Variants in NSD1 observed in about 807,000 individuals in gnomAD.
NSD1 encodes nuclear receptor binding SET domain protein 1.
In NSD1, 26 loss-of-function variants were observed where a neutral mutation model predicts 242.7. That is an observed-to-expected ratio of 0.11 (90% CI 0.08 to 0.15). The LOEUF is 0.15. NSD1 is among the 10% of genes least tolerant of loss of function. The pLI is 1.00. For synonymous variants in NSD1, 1,106 were observed against 1,178.1 expected (o/e 0.94, Z 1.25); for missense variants, 2,495 against 3,272.8 (o/e 0.76, Z 5.80).
chr5:177,259,212 G>A (rs182965239), intron 13 of NSD1, among the ~76,000 whole-genome samples: 2 of 152,328 alleles, frequency 1.3e-5, no homozygotes, highest in East Asian at 3.9e-4. Flanking sequence ...GGATTGAGGA[G>A]GTAAAATTTA....
rs1554173303 is a variant in NSD1, at chr5:177,159,005, T to TATATATATGAATG, written c.927+22983_927+22984insGAATGATATATAT. Among the ~76,000 whole-genome samples the TATATATATGAATG allele has an allele frequency of 9.3e-4, 83 of 88,942 alleles. 1 individual carries two copies. The highest frequency in any genetic ancestry group is 4.5e-3 in the African/African-American group (72 of 15,984). The allele number at this position is 88,942 out of a possible 152,430, so 58.3% of individuals were successfully genotyped here. Reference sequence around the variant, plus strand: ...ACATATATATGAATGATTTTATATATATATATATATATATATATATGAATG... The same window carrying TATATATATGAATG: ...ACATATATATGAATGATTTTATATATATATATATGAATGATATATATATATATATATATGAATG... On this transcript the variant is annotated intron_variant, in intron 2 of 22. Coordinates refer to ENST00000439151, the MANE Select transcript of NSD1 (RefSeq NM_022455.5).
intron 2 of NSD1, among the ~76,000 whole-genome samples, chr5:177,165,472 C>T (rs1759106262): frequency 1.3e-5 from 2 of 152,122 alleles, no homozygotes; most frequent in Admixed American, 1.3e-4. Context: ...CTTTAAAATT[C>T]AATTTGCCTT....
intron 2 of NSD1, chr5:177,136,263 A>T (rs1368779141): frequency 2.2e-6 from 1 of 463,012 alleles, no homozygotes; most frequent in Non-Finnish European, 3.9e-6. Flanking sequence ...GAGTAGGCTA[A>T]TGCTTTTAAA....
chr5:177,265,498 A>G (rs978412766), intron 14 of NSD1: 20 of 656,216 alleles, frequency 3.0e-5, no homozygotes, highest in Admixed American at 1.9e-4. Flanking sequence ...GGAGAGAGAG[A>G]GGAAGGGGGA....
chr5:177,191,649 C>T (rs575299457), intron 2 of NSD1, among the ~76,000 whole-genome samples: 85 of 151,950 alleles, frequency 5.6e-4, no homozygotes, highest in African/African-American at 1.8e-3. Flanking sequence ...TTTCAAAATA[C>T]GGATAGATTC....
intron 11 of NSD1, among the ~76,000 whole-genome samples, chr5:177,250,034 C>T (rs1319109260): frequency 6.6e-6 from 1 of 152,180 alleles, no homozygotes; most frequent in African/African-American, 2.4e-5. Flanking sequence ...TTTAGTGAGC[C>T]ATGGTCATGC....
intron 2 of NSD1, among the ~76,000 whole-genome samples, chr5:177,183,664 A>T (rs1301892221): frequency 6.6e-6 from 1 of 152,138 alleles, no homozygotes; most frequent in African/African-American, 2.4e-5. Flanking sequence ...ATATACAGTT[A>T]AATTATTATC....
chr5:177,198,101 C>T (rs1032660078), intron 3 of NSD1, among the ~76,000 whole-genome samples: 2 of 152,108 alleles, frequency 1.3e-5, no homozygotes, highest in Non-Finnish European at 2.9e-5. Flanking sequence ...CTTCCATCTC[C>T]CAGGCTCCAG....
intron 2 of NSD1, among the ~76,000 whole-genome samples, chr5:177,184,219 G>A (rs1230637532): frequency 6.6e-6 from 1 of 152,110 alleles, no homozygotes; most frequent in East Asian, 1.9e-4. Flanking sequence ...CTGTTGTCTA[G>A]ATTTGTACTA....
At chr5:177,265,814 G>A (rs1349821938) in intron 14 of NSD1, 23 of 1,390,322 alleles carry the variant, frequency 1.7e-5, no homozygotes, top group East Asian at 9.1e-5. Context: ...GTGGCAGTGC[G>A]TAAACTCGAT....
intron 14 of NSD1, chr5:177,265,668 G>C (rs1264486912): frequency 6.2e-7 from 1 of 1,609,336 alleles, no homozygotes; most frequent in South Asian, 1.1e-5. Flanking sequence ...TTGGCGTTGG[G>C]CCGCATGCCG....
In NSD1 at chr5:177,211,731, A is replaced by G. The variant is rs1438950017; in HGVS notation, c.3332A>G (p.Asp1111Gly). 6.2e-7 allele frequency: 1 copy of G among 1,614,114 alleles called. No individual in the cohort carries two copies. The highest frequency in any genetic ancestry group is 1.6e-4 in the Middle Eastern group (1 of 6,062). The part of the protein sequence containing the change: ...DGDHFSDVHF[D>G]SKVKQSDPGK... ...GACCATTTTTCTGATGTGCATTTCGATAGCAAGGTTAAGCAATCTGATCCT... is the reference window on the plus strand; with the variant it reads ...GACCATTTTTCTGATGTGCATTTCGGTAGCAAGGTTAAGCAATCTGATCCT... The change falls in exon 5 of 23, where the codon GAT (aspartate) becomes GGT (glycine). Residue 1111 changes from aspartate (D) to glycine (G), a missense_variant. Coordinates refer to ENST00000439151, the MANE Select transcript of NSD1 (RefSeq NM_022455.5).
rs1057329691 is a variant in NSD1 at position 177,145,777 on chromosome 5, G to A, written c.927+9747G>A. The stretch of plus-strand genomic sequence containing the variant: ...TACAAAATTAGCCAGGCGTGATGGT[G>A]CGTGCTTGTAATCCCAGCTACTTGG... On this transcript the variant is annotated intron_variant, in intron 2 of 22. Transcript: ENST00000439151. Among the ~76,000 whole-genome samples the A allele has an allele frequency of 7.9e-5, 12 of 152,128 alleles. No homozygotes were observed. In the South Asian group the frequency reaches 1.2e-3, roughly 16 times the overall value.
intron 19 of NSD1, 130 bp downstream of exon 19, chr5:177,282,711 G>A: frequency 5.0e-6 from 4 of 795,836 alleles, no homozygotes; most frequent in Admixed American, 3.5e-5. Flanking sequence ...GGGATTGCTG[G>A]ATTGGGGTTC....
intron 18 of NSD1, among the ~76,000 whole-genome samples, chr5:177,281,161 A>AC (rs1324878039): frequency 6.6e-6 from 1 of 152,232 alleles, no homozygotes; most frequent in East Asian, 1.9e-4. Context: ...TGATACAGAG[A>AC]CATTGATCCA....
intron 14 of NSD1, chr5:177,264,700 GT>G (rs952182461): frequency 1.7e-6 from 1 of 587,426 alleles, no homozygotes; most frequent in African/African-American, 1.9e-5. Flanking sequence ...TTAAGAGCTT[GT>G]TGAAGAGAAT....
Position 177,158,267 on chromosome 5 carries a change from TTC to T in NSD1, c.927+22239_927+22240del, listed in dbSNP as rs1491474512. Among the ~76,000 whole-genome samples, 5 of 103,544 alleles carry T rather than the reference TTC, an allele frequency of 4.8e-5. No individual in the cohort carries two copies. In the Admixed American group the frequency reaches 5.2e-4, roughly 11 times the overall value. 67.9% of individuals were successfully genotyped at this position (103,544 alleles called of 152,430 possible). A position where few individuals can be genotyped will look rare whatever the true frequency, so the allele number is the denominator to read the frequency against. On this transcript the variant is annotated intron_variant, in intron 2 of 22. Transcript: ENST00000439151. ...TTTCTTTCTTTCTTTCTTTCTTTCT[TTC>T]TTTCTTTCTTTCTTTCTTTCTTTCT...
In NSD1 at chr5:177,294,435, C is replaced by A. The variant is rs780750393; in HGVS notation, c.7067C>A (p.Thr2356Lys). 11 of 1,614,192 alleles carry A rather than the reference C, an allele frequency of 6.8e-6. No homozygotes were observed. In the South Asian group the frequency reaches 1.2e-4, roughly 18 times the overall value. The change falls in exon 23 of 23, where the codon ACG becomes AAG. Residue 2356 changes from threonine (T) to lysine (K), a missense_variant. Around this residue, in one of 19 missense-constraint regions of NSD1, gnomAD observed 475 missense variants for 563.7 expected, o/e 0.84. Transcript: ENST00000439151. Reference sequence around the variant, plus strand: ...CAACCACTGGAAAGACCTCTGGGGACGGCTGACCCAAGGCTGGATAAATCC... The same window carrying A: ...CAACCACTGGAAAGACCTCTGGGGAAGGCTGACCCAAGGCTGGATAAATCC... ...RSQPLERPLG[T>K]ADPRLDKSIG...
chr5:177,212,106 T>A lies in NSD1; in HGVS notation c.3707T>A (p.Val1236Asp). 6.2e-7 allele frequency: 1 copy of A among 1,613,986 alleles called. No homozygotes were observed. Among genetic ancestry groups the A allele is most frequent in the Non-Finnish European group, 8.5e-7 (1 of 1,180,008 alleles). Reference protein sequence around the residue: ...CLDSAGPRLNVCDKSSASIGD... With the variant: ...CLDSAGPRLNDCDKSSASIGD... ...GATTCAGCTGGGCCACGGTTAAATG[T>A]TTGTGATAAATCCAGTGCCAGCATT... The change falls in exon 5 of 23, where the codon GTT becomes GAT. Residue 1236 changes from valine (V) to aspartate (D), a missense_variant. Physicochemically the swap from Val to Asp is radical, Grantham distance 152. Around this residue, in one of 19 missense-constraint regions of NSD1, gnomAD observed 426 missense variants for 411.4 expected, o/e 1.04. Coordinates refer to ENST00000439151, the MANE Select transcript of NSD1 (RefSeq NM_022455.5).
Sources: gnomAD v4.1 joint callset for allele counts (sites outside exome capture counted in the v4.1 genomes callset) on GRCh38, gnomAD v4.1.1 for gene constraint, gnomAD v4.1.1 regional missense constraint, MANE v1.5 for transcripts, NCBI Gene and HGNC (gene_info 2026-07-23, HGNC 2026-07-21) for gene names.